DYNC1I1: variants seen among roughly 807,000 people sequenced by gnomAD.
DYNC1I1 encodes dynein cytoplasmic 1 intermediate chain 1.
Under a neutral mutation model 86.6 loss-of-function variants are expected in DYNC1I1, and 43 were observed. The ratio of observed to expected loss-of-function variants is 0.50; its 90% CI spans 0.39 to 0.64. The LOEUF (loss-of-function observed/expected upper bound fraction) is 0.64. DYNC1I1 is among the 30% of genes least tolerant of loss of function. The probability of loss-of-function intolerance (pLI) is 0.00; values close to 1 mark genes in which losing one functional copy is unlikely to be tolerated. For missense variants in DYNC1I1, 604 were observed against 788.8 expected, an observed-to-expected ratio of 0.77 and a Z score of 2.81; for synonymous variants, 262 against 283.7, an observed-to-expected ratio of 0.92 and a Z score of 0.77.
At position 95,841,154 on chromosome 7, in the gene DYNC1I1, C is replaced by T. The variant is rs117973195; in HGVS notation, c.374+13038C>T. Among the ~76,000 whole-genome samples the T allele has an allele frequency of 6.4e-3, 967 of 152,262 alleles. 20 individuals carry two copies. Among genetic ancestry groups the T allele is most frequent in the East Asian group, 0.029 (150 of 5,162 alleles). On this transcript the variant is annotated intron_variant, in intron 5 of 16. Coordinates refer to ENST00000447467, the MANE Select transcript of DYNC1I1 (RefSeq NM_001135556.2). ...ACAGACAAGCTAGAGGCCAGTCCCTCTGGTAGCGACTAGAAAATTTAAAGG... is the reference window on the plus strand; with the variant it reads ...ACAGACAAGCTAGAGGCCAGTCCCTTTGGTAGCGACTAGAAAATTTAAAGG...
At chr7:96,084,685 A>G (rs1319563702) in intron 16 of DYNC1I1, among the ~76,000 whole-genome samples, 1 of 151,958 alleles carries the variant, frequency 6.6e-6, no homozygotes, top group Non-Finnish European at 1.5e-5. Flanking sequence ...GGCCTCCCAA[A>G]GTACTGAGAT....
intron 6 of DYNC1I1, among the ~76,000 whole-genome samples, chr7:95,872,981 A>T (rs1790212663): frequency 6.6e-6 from 1 of 152,174 alleles, no homozygotes; most frequent in African/African-American, 2.4e-5. Context: ...GTTGAACGAC[A>T]AAGATAATGC....
chr7:95,835,384 A>G lies in DYNC1I1; in HGVS notation c.374+7268A>G, dbSNP rs1188890409. On this transcript the variant is annotated intron_variant, in intron 5 of 16. Coordinates refer to ENST00000447467, the MANE Select transcript of DYNC1I1 (RefSeq NM_001135556.2). ...TTTTACATTTGCTGAGGAGAGCTTT[A>G]CTTCCAAGTATGTGGTCAATTTTGG... Among the ~76,000 whole-genome samples the G allele has an allele frequency of 3.0e-3, 444 of 146,012 alleles. 1 individual carries two copies. The highest frequency in any genetic ancestry group is 5.4e-3 in the Non-Finnish European group (363 of 66,996).
At chr7:95,923,519 A>G (rs2116385202) in intron 6 of DYNC1I1, among the ~76,000 whole-genome samples, 1 of 152,262 alleles carries the variant, frequency 6.6e-6, no homozygotes, top group South Asian at 2.1e-4. Context: ...TTAATGAGAC[A>G]GTGTAAACCC....
chr7:95,903,964 G>A (rs933984765), intron 6 of DYNC1I1, among the ~76,000 whole-genome samples: 23 of 152,320 alleles, frequency 1.5e-4, no homozygotes, highest in African/African-American at 5.1e-4. Context: ...AGAGCCTAGA[G>A]ACAGGTGGGT....
At chr7:95,906,866 C>T (rs1365162923) in intron 6 of DYNC1I1, among the ~76,000 whole-genome samples, 1 of 152,126 alleles carries the variant, frequency 6.6e-6, no homozygotes, top group East Asian at 1.9e-4. Context: ...GTCTTCATTG[C>T]TTGCAAGTGG....
chr7:95,955,560 G>A (rs957428264), intron 6 of DYNC1I1, among the ~76,000 whole-genome samples: 4 of 152,026 alleles, frequency 2.6e-5, no homozygotes, highest in Admixed American at 6.6e-5. Context: ...TCCTGGCCTC[G>A]AGCAATCCTC....
At chr7:95,845,652 T>C (rs1789405224) in intron 5 of DYNC1I1, among the ~76,000 whole-genome samples, 1 of 152,182 alleles carries the variant, frequency 6.6e-6, no homozygotes, top group African/African-American at 2.4e-5. Flanking sequence ...GAAATTGAAA[T>C]ATGAAACAGC....
chr7:95,790,123 T>A (rs973708223), intron 1 of DYNC1I1, among the ~76,000 whole-genome samples: 2 of 152,166 alleles, frequency 1.3e-5, no homozygotes, highest in Non-Finnish European at 2.9e-5. Flanking sequence ...ACAGAGAAGT[T>A]CAGACCCCCT....
chr7:95,788,672 G>T (rs1734710261), intron 1 of DYNC1I1, among the ~76,000 whole-genome samples: 2 of 152,162 alleles, frequency 1.3e-5, no homozygotes, highest in Non-Finnish European at 1.5e-5. Context: ...TTAAGACTCT[G>T]TTCTCCTTCT....
intron 13 of DYNC1I1, 144 bp downstream of exon 13, chr7:96,035,896 G>C (rs1794917073): frequency 7.4e-7 from 1 of 1,350,686 alleles, no homozygotes; most frequent in Non-Finnish European, 1.0e-6. Flanking sequence ...TTATCTTAAA[G>C]AGCTGCATCT....
intron 14 of DYNC1I1, among the ~76,000 whole-genome samples, chr7:96,049,756 G>A (rs1789340932): frequency 6.6e-6 from 1 of 152,038 alleles, no homozygotes; most frequent in Non-Finnish European, 1.5e-5. Context: ...TAGTGGTGGG[G>A]CACAGTGGCT....
At chr7:95,789,386 T>C (rs1208520532) in intron 1 of DYNC1I1, among the ~76,000 whole-genome samples, 3 of 152,250 alleles carry the variant, frequency 2.0e-5, no homozygotes, top group African/African-American at 7.2e-5. Context: ...ATTGATTTTC[T>C]ACACTCTTAT....
chr7:96,016,351 C>T (rs568376319), intron 10 of DYNC1I1, among the ~76,000 whole-genome samples: 4 of 150,338 alleles, frequency 2.7e-5, no homozygotes, highest in African/African-American at 9.8e-5. Context: ...GACCTAAGTG[C>T]CTTGGTAATG....
At chr7:96,102,111 CCATTGATGGATGAATG>C (rs1019568506), downstream of DYNC1I1, among the ~76,000 whole-genome samples, 31 of 152,110 alleles carry the variant, frequency 2.0e-4, no homozygotes, top group African/African-American at 7.2e-4. Context: ...TGGTATGTGG[CCATTGATGGATGAATG>C]CATTCTTTTT....
At chr7:96,064,403 G>T (rs557069863) in intron 14 of DYNC1I1, among the ~76,000 whole-genome samples, 3 of 152,024 alleles carry the variant, frequency 2.0e-5, no homozygotes, top group Non-Finnish European at 4.4e-5. Context: ...GAAATTTGTG[G>T]CTAGATTTCC....
chr7:96,096,133 T>A (rs1354837213), intron 16 of DYNC1I1, among the ~76,000 whole-genome samples: 1 of 152,128 alleles, frequency 6.6e-6, no homozygotes, highest in East Asian at 1.9e-4. Flanking sequence ...ACCAGAACAC[T>A]AATTTAAGGA....
chr7:95,987,133 C>T lies in DYNC1I1; in HGVS notation c.821C>T (p.Thr274Ile). Reference sequence around the variant, plus strand: ...CATTGGTCCAAGCATCGAGTGGTCACTTGTATGGACTGGTCCCTCCAGGTA... The same window carrying T: ...CATTGGTCCAAGCATCGAGTGGTCATTTGTATGGACTGGTCCCTCCAGGTA... ...DEHWSKHRVVTCMDWSLQYPE... is the reference protein window; with the variant it reads ...DEHWSKHRVVICMDWSLQYPE... The change falls in exon 9 of 17, where the codon ACT (threonine) becomes ATT (isoleucine). Residue 274 changes from threonine (T) to isoleucine (I), a missense_variant. Physicochemically the swap from Thr to Ile is moderately conservative, Grantham distance 89. Coordinates refer to ENST00000447467, the MANE Select transcript of DYNC1I1 (RefSeq NM_001135556.2). 2 of 1,613,968 alleles carry T rather than the reference C, an allele frequency of 1.2e-6. No individual in the cohort carries two copies. Among genetic ancestry groups the T allele is most frequent in the Non-Finnish European group, 1.7e-6 (2 of 1,179,894 alleles).
chr7:95,896,359 G>A (rs980947359), intron 6 of DYNC1I1, among the ~76,000 whole-genome samples: 2 of 152,178 alleles, frequency 1.3e-5, no homozygotes, highest in African/African-American at 4.8e-5. Flanking sequence ...GTAAACTGAC[G>A]AGGATTGTTA....
Sources: gnomAD v4.1 joint callset for allele counts (sites outside exome capture counted in the v4.1 genomes callset) on GRCh38, gnomAD v4.1.1 for gene constraint, MANE v1.5 for transcripts, NCBI Gene and HGNC (gene_info 2026-07-23, HGNC 2026-07-21) for gene names.